Variants in PLCL1 observed in about 807,000 individuals in gnomAD.
The protein encoded by PLCL1 is phospholipase C like 1 (inactive).
In PLCL1, 41 loss-of-function variants were observed where a neutral mutation model predicts 84.4. That is an observed-to-expected ratio of 0.49 (90% CI 0.38 to 0.63). The LOEUF (loss-of-function observed/expected upper bound fraction) is 0.63, where lower values mean the gene tolerates loss of function less well. Ranked by LOEUF, PLCL1 falls within the 30% of genes least tolerant of loss-of-function variation. The probability of loss-of-function intolerance (pLI) is 0.00; values close to 1 mark genes in which losing one functional copy is unlikely to be tolerated. For synonymous variants in PLCL1, 490 were observed against 488.3 expected, an observed-to-expected ratio of 1.00 and a Z score of -0.05; for missense variants, 1,206 against 1,367.8, an observed-to-expected ratio of 0.88 and a Z score of 1.87.
rs540701104 is a variant in PLCL1, at chr2:197,842,120, A to G, written c.240+36781A>G. On this transcript the variant is annotated intron_variant, in intron 1 of 5. Transcript: ENST00000428675. ...GGAATGCCTGTTAAATTTTGTGTCA[A>G]AACTCCCCTACATTCTTGCCTTTTT... is the stretch of plus-strand genomic sequence containing the variant. 2.0e-5 allele frequency among the ~76,000 whole-genome samples: 3 copies of G among 152,204 alleles called. No individual in the cohort carries two copies. In the South Asian group the frequency reaches 6.2e-4, roughly 32 times the overall value.
chr2:198,104,464 C>T (rs932782276), intron 5 of PLCL1, among the ~76,000 whole-genome samples: 6 of 151,912 alleles, frequency 3.9e-5, no homozygotes, highest in African/African-American at 1.5e-4. Context: ...AGGTTGATTC[C>T]ATGCTTTGCT....
At chr2:198,082,106 C>G (rs973464633) in intron 1 of PLCL1, among the ~76,000 whole-genome samples, 1 of 152,230 alleles carries the variant, frequency 6.6e-6, no homozygotes, top group Non-Finnish European at 1.5e-5. Flanking sequence ...CAATGCTCCT[C>G]TTCCTTTGAA....
intron 1 of PLCL1, among the ~76,000 whole-genome samples, chr2:197,839,491 A>G (rs1015218940): frequency 6.6e-6 from 1 of 152,308 alleles, no homozygotes; most frequent in African/African-American, 2.4e-5. Flanking sequence ...GTGAGAATCT[A>G]ATGCTGCCAC....
intron 1 of PLCL1, among the ~76,000 whole-genome samples, chr2:197,934,599 G>A (rs572765278): frequency 5.1e-4 from 78 of 152,190 alleles, no homozygotes; most frequent in African/African-American, 1.8e-3. Flanking sequence ...CTGACCTCTG[G>A]ATAAGTTTTT....
chr2:197,899,738 C>T (rs1324734585), intron 1 of PLCL1, among the ~76,000 whole-genome samples: 1 of 150,812 alleles, frequency 6.6e-6, no homozygotes, highest in African/African-American at 2.4e-5. Flanking sequence ...CAGGTTCACG[C>T]CATTCTCCTG....
At chr2:198,086,288 A>T in intron 2 of PLCL1, 56 bp downstream of exon 2, 1 of 1,219,770 alleles carries the variant, frequency 8.2e-7, no homozygotes, top group South Asian at 1.4e-5. Flanking sequence ...TACCCGTATA[A>T]TGTTTTATTA....
chr2:198,088,807 G>A lies in PLCL1; in HGVS notation c.2716-51G>A, dbSNP rs752747996. 2.9e-5 allele frequency: 30 copies of A among 1,023,532 alleles called. No individual in the cohort carries two copies. In the Admixed American group the frequency reaches 3.9e-4, roughly 13 times the overall value. The allele number at this position is 1,023,532 out of a possible 1,614,324, so 63.4% of individuals were successfully genotyped here. ...TTTCTGTAAACCTGGGAGTGCTGGCGGTGATGTGTCAGGTGGTCAGAAGTG... is the reference window on the plus strand; with the variant it reads ...TTTCTGTAAACCTGGGAGTGCTGGCAGTGATGTGTCAGGTGGTCAGAAGTG... On this transcript the variant is annotated intron_variant, in intron 2 of 5. Transcript: ENST00000428675.
chr2:197,997,161 C>T (rs1690487707), intron 1 of PLCL1, among the ~76,000 whole-genome samples: 1 of 152,218 alleles, frequency 6.6e-6, no homozygotes, highest in African/African-American at 2.4e-5. Context: ...AGCATTTCTT[C>T]CTTCCCATCT....
intron 1 of PLCL1, among the ~76,000 whole-genome samples, chr2:197,922,970 C>T (rs1436603245): frequency 7.8e-5 from 9 of 116,078 alleles, no homozygotes; most frequent in South Asian, 3.0e-4. Flanking sequence ...CCCCACCTCC[C>T]TCCCGGACCG....
chr2:198,066,239 T>C (rs1185687600), intron 1 of PLCL1, among the ~76,000 whole-genome samples: 1 of 152,230 alleles, frequency 6.6e-6, no homozygotes, highest in Non-Finnish European at 1.5e-5. Context: ...AACCTGACAG[T>C]TCCTAAATCC....
intron 1 of PLCL1, among the ~76,000 whole-genome samples, chr2:197,995,727 T>C (rs1287619655): frequency 6.6e-6 from 1 of 152,194 alleles, no homozygotes. Context: ...TTTAAATTCA[T>C]GCCCTGGGTG....
chr2:198,055,405 G>A (rs773236961), intron 1 of PLCL1, among the ~76,000 whole-genome samples: 2 of 148,944 alleles, frequency 1.3e-5, no homozygotes, highest in African/African-American at 4.9e-5. Context: ...TATTGCAGAT[G>A]TTCTTGGAGT....
intron 1 of PLCL1, among the ~76,000 whole-genome samples, chr2:198,069,680 A>C (rs569934175): frequency 1.3e-5 from 2 of 152,290 alleles, no homozygotes; most frequent in Non-Finnish European, 2.9e-5. Context: ...TTTTGAAAAA[A>C]TATATTGACA....
intron 1 of PLCL1, among the ~76,000 whole-genome samples, chr2:198,071,472 C>T (rs994959880): frequency 6.6e-6 from 1 of 151,708 alleles, no homozygotes; most frequent in Non-Finnish European, 1.5e-5. Context: ...TACTGTTGTA[C>T]AAAAATTTCC....
chr2:198,025,959 G>A (rs1691254121), intron 1 of PLCL1, among the ~76,000 whole-genome samples: 1 of 152,180 alleles, frequency 6.6e-6, no homozygotes, highest in Admixed American at 6.5e-5. Context: ...AAAACAACAT[G>A]CAGTTAATCA....
intron 1 of PLCL1, among the ~76,000 whole-genome samples, chr2:197,940,505 T>G (rs1024905032): frequency 2.0e-5 from 3 of 152,202 alleles, no homozygotes; most frequent in Non-Finnish European, 1.5e-5. Context: ...CCAATTTCTG[T>G]GTTTTGAAGT....
intron 1 of PLCL1, among the ~76,000 whole-genome samples, chr2:197,852,669 A>G (rs1381903858): frequency 6.6e-6 from 1 of 152,142 alleles, no homozygotes; most frequent in Non-Finnish European, 1.5e-5. Flanking sequence ...TAATGTTATA[A>G]TTCTAAGATG....
intron 1 of PLCL1, among the ~76,000 whole-genome samples, chr2:197,828,250 G>A (rs956508142): frequency 2.6e-5 from 4 of 151,988 alleles, no homozygotes; most frequent in African/African-American, 4.8e-5. Flanking sequence ...GTTGGTTCAC[G>A]GGATAACTGT....
chr2:198,042,771 A>G (rs1691694493), intron 1 of PLCL1, among the ~76,000 whole-genome samples: 1 of 152,208 alleles, frequency 6.6e-6, no homozygotes, highest in Non-Finnish European at 1.5e-5. Flanking sequence ...AATCTATACA[A>G]TGCCTATGAC....
Sources: allele counts gnomAD v4.1 joint callset (sites outside exome capture counted in the v4.1 genomes callset), GRCh38; gene constraint gnomAD v4.1.1; transcripts MANE v1.5; gene names NCBI Gene and HGNC (gene_info 2026-07-23, HGNC 2026-07-21).